The following LRBA variants were observed in gnomAD, a reference collection of about 807,000 sequenced individuals.
LRBA encodes lipopolysaccharide-responsive and beige-like anchor protein.
Under a neutral mutation model 330.0 loss-of-function variants are expected in LRBA, and 176 were observed. That is an observed-to-expected ratio of 0.53 (90% CI 0.47 to 0.60). LRBA has a LOEUF of 0.60. Ranked by LOEUF, LRBA falls within the 20% of genes least tolerant of loss-of-function variation. LRBA has a pLI of 0.00. For missense variants in LRBA, 3,259 were observed against 3,444.8 expected, an observed-to-expected ratio of 0.95 and a Z score of 1.35; for synonymous variants, 1,230 against 1,193.0, an observed-to-expected ratio of 1.03 and a Z score of -0.64.
rs1435824876 is a variant in LRBA, at chr4:150,914,260, G to C, written c.1096C>G (p.Leu366Val). The change falls in exon 9 of 57, where the codon CTT becomes GTT. Residue 366 changes from leucine to valine, a missense_variant. By Grantham distance (32) the Leu-to-Val change is conservative (BLOSUM62 1). Coordinates refer to ENST00000651943, the MANE Select transcript of LRBA (RefSeq NM_001364905.1). Reference sequence around the variant, plus strand: ...GCTGCATTTAGAGCTTCACTGAAAAGGTAAACTGCAGTCATCTGACCACAG... The same window carrying C: ...GCTGCATTTAGAGCTTCACTGAAAACGTAAACTGCAGTCATCTGACCACAG... The part of the protein sequence containing the change: ...VFCGQMTAVY[L>V]FSEALNAAQI... 3 of 1,609,422 alleles carry C rather than the reference G, an allele frequency of 1.9e-6. No homozygotes were observed. Among genetic ancestry groups the C allele is most frequent in the Non-Finnish European group, 2.5e-6 (3 of 1,177,556 alleles).
At chr4:150,277,824 CT>C in intron 56 of LRBA, 28 bp downstream of exon 56, 1 of 1,610,326 alleles carries the variant, frequency 6.2e-7, no homozygotes, top group East Asian at 2.2e-5. Context: ...TTTGAAACCC[CT>C]ATTTGTAGCC....
intron 34 of LRBA, among the ~76,000 whole-genome samples, chr4:150,776,768 C>T (rs572909776): frequency 1.3e-3 from 84 of 65,734 alleles, no homozygotes; most frequent in Non-Finnish European, 4.1e-3. Flanking sequence ...CAAGATCGCA[C>T]CACTGCACTC....
At chr4:150,729,280 C>T (rs551647472) in intron 36 of LRBA, among the ~76,000 whole-genome samples, 1 of 152,256 alleles carries the variant, frequency 6.6e-6, no homozygotes, top group African/African-American at 2.4e-5. Flanking sequence ...TCACTGCAAC[C>T]CAGCCTGGGT....
chr4:150,751,822 T>G (rs1003596878), intron 35 of LRBA, among the ~76,000 whole-genome samples: 2 of 152,166 alleles, frequency 1.3e-5, no homozygotes, highest in African/African-American at 4.8e-5. Flanking sequence ...ACAGTAATGA[T>G]GACAACCATC....
intron 37 of LRBA, among the ~76,000 whole-genome samples, chr4:150,637,153 G>A (rs1400618517): frequency 6.6e-6 from 1 of 151,788 alleles, no homozygotes; most frequent in African/African-American, 2.4e-5. Context: ...TCTGACATTA[G>A]TAATGAAGTT....
chr4:150,919,587 G>T (rs765820442), intron 5 of LRBA, among the ~76,000 whole-genome samples: 2 of 151,954 alleles, frequency 1.3e-5, no homozygotes, highest in Non-Finnish European at 2.9e-5. Flanking sequence ...AAAAATGAAC[G>T]TTGCATTAAG....
chr4:150,382,544 G>A (rs1742432813), intron 47 of LRBA, among the ~76,000 whole-genome samples: 1 of 151,680 alleles, frequency 6.6e-6, no homozygotes, highest in Non-Finnish European at 1.5e-5. Flanking sequence ...AATCGCTTGA[G>A]CCTGGGAGGC....
chr4:150,420,391 A>AAAGTATATATAATACACATTATAG lies in LRBA; in HGVS notation c.7042-4802_7042-4801insCTATAATGTGTATTATATATACTT, dbSNP rs1561150943. ...GTATATATAATACACATTATAGTAT[A>AAAGTATATATAATACACATTATAG]TATAAAGTATATATAATACACATTA... On this transcript the variant is annotated intron_variant, in intron 46 of 56. Coordinates refer to ENST00000651943, the MANE Select transcript of LRBA (RefSeq NM_001364905.1). Among the ~76,000 whole-genome samples the AAAGTATATATAATACACATTATAG allele has an allele frequency of 5.1e-3, 198 of 38,566 alleles. 1 individual carries two copies. Among genetic ancestry groups the AAAGTATATATAATACACATTATAG allele is most frequent in the African/African-American group, 0.019 (158 of 8,214 alleles). 25.3% of individuals were successfully genotyped at this position (38,566 alleles called of 152,430 possible).
At chr4:150,879,305 T>C (rs1185552129) in intron 17 of LRBA, among the ~76,000 whole-genome samples, 2 of 152,112 alleles carry the variant, frequency 1.3e-5, no homozygotes, top group African/African-American at 4.8e-5. Flanking sequence ...AAACTTTCAA[T>C]AAAATCCAGC....
At position 150,583,489 on chromosome 4, in the gene LRBA, G is replaced by T; in HGVS notation, c.6330+4559C>A. On this transcript the variant is annotated intron_variant, in intron 40 of 56. Coordinates refer to ENST00000651943, the MANE Select transcript of LRBA (RefSeq NM_001364905.1). This position sits in a 1 kb window ranked among gnomAD's most constrained non-coding sequence, Gnocchi z 9.8. Reference sequence around the variant, plus strand: ...TCGGGATGTGGTCAAGATGATCGCGGACACCAGCGAGGTCAAGTTGCGCAT... The same window carrying T: ...TCGGGATGTGGTCAAGATGATCGCGTACACCAGCGAGGTCAAGTTGCGCAT... 2 of 1,613,946 alleles carry T rather than the reference G, an allele frequency of 1.2e-6. No homozygotes were observed. Among genetic ancestry groups the T allele is most frequent in the Non-Finnish European group, 1.7e-6 (2 of 1,180,036 alleles).
intron 40 of LRBA, among the ~76,000 whole-genome samples, chr4:150,549,260 G>C (rs1303566616): frequency 6.6e-6 from 1 of 151,658 alleles, no homozygotes; most frequent in Non-Finnish European, 1.5e-5. Flanking sequence ...ATTTCTATTT[G>C]TATATTTTTT....
chr4:150,561,098 T>A (rs1768274107), intron 40 of LRBA, among the ~76,000 whole-genome samples: 1 of 152,186 alleles, frequency 6.6e-6, no homozygotes, highest in African/African-American at 2.4e-5. Flanking sequence ...CTGAGAACAT[T>A]ATTGTCACAA....
chr4:150,812,863 G>C (rs768309538), intron 31 of LRBA, among the ~76,000 whole-genome samples: 1 of 152,042 alleles, frequency 6.6e-6, no homozygotes, highest in African/African-American at 2.4e-5. Context: ...TTGCAATATA[G>C]AGAAACAGCA....
At chr4:150,301,937 A>C (rs1158652790) in intron 53 of LRBA, among the ~76,000 whole-genome samples, 1 of 152,058 alleles carries the variant, frequency 6.6e-6, no homozygotes, top group African/African-American at 2.4e-5. Context: ...GGTCCCTTTA[A>C]TTGTTTTTTC....
At chr4:150,728,113 A>T (rs1032579686) in intron 36 of LRBA, among the ~76,000 whole-genome samples, 1 of 152,158 alleles carries the variant, frequency 6.6e-6, no homozygotes, top group Admixed American at 6.5e-5. Flanking sequence ...AATCTAGAAG[A>T]AATGGATCAA....
chr4:150,503,524 G>A (rs912516087), intron 40 of LRBA, among the ~76,000 whole-genome samples: 1 of 152,148 alleles, frequency 6.6e-6, no homozygotes, highest in Non-Finnish European at 1.5e-5. Context: ...CTCTGCAGCT[G>A]AGAGTCCTGT....
intron 47 of LRBA, among the ~76,000 whole-genome samples, chr4:150,387,803 T>G (rs1025580717): frequency 1.3e-5 from 2 of 152,076 alleles, no homozygotes; most frequent in African/African-American, 2.4e-5. Context: ...AAGAGTAAGT[T>G]AAGAAGCAGA....
chr4:150,383,266 T>C (rs938574200), intron 47 of LRBA, among the ~76,000 whole-genome samples: 1 of 152,096 alleles, frequency 6.6e-6, no homozygotes, highest in African/African-American at 2.4e-5. Flanking sequence ...TTTTCTTTTT[T>C]GAGACAGTCT....
At chr4:150,686,058 T>G (rs1481711925) in intron 36 of LRBA, among the ~76,000 whole-genome samples, 1 of 152,216 alleles carries the variant, frequency 6.6e-6, no homozygotes, top group Non-Finnish European at 1.5e-5. Flanking sequence ...GGTTACGGTA[T>G]CACCCTTGCT....
Sources: gnomAD v4.1 joint callset for allele counts (sites outside exome capture counted in the v4.1 genomes callset) on GRCh38, gnomAD v4.1.1 for gene constraint, Gnocchi (gnomAD v3.1) non-coding constraint, MANE v1.5 for transcripts, NCBI Gene and HGNC (gene_info 2026-07-23, HGNC 2026-07-21) for gene names.